The following ITPR2 variants were observed in gnomAD, a reference collection of about 807,000 sequenced individuals.
ITPR2 encodes inositol 1,4,5-trisphosphate receptor type 2, also known as inositol 1,4,5-trisphosphate-gated calcium channel ITPR2.
Under a neutral mutation model 317.1 loss-of-function variants are expected in ITPR2, and 207 were observed. That is an observed-to-expected ratio of 0.65 (90% confidence interval 0.58 to 0.73). The LOEUF (loss-of-function observed/expected upper bound fraction) is 0.73, where lower values mean the gene tolerates loss of function less well. ITPR2 is among the 30% of genes least tolerant of loss of function. The probability of loss-of-function intolerance (pLI) is 0.00; values close to 1 mark genes in which losing one functional copy is unlikely to be tolerated. For synonymous variants in ITPR2, 1,156 were observed against 1,149.1 expected (o/e 1.01, Z -0.12); for missense variants, 2,613 against 3,284.0 (o/e 0.80, Z 4.99).
intron 47 of ITPR2, among the ~76,000 whole-genome samples, chr12:26,437,565 A>G (rs1410441956): frequency 6.6e-6 from 1 of 152,328 alleles, no homozygotes; most frequent in Non-Finnish European, 1.5e-5. Flanking sequence ...ATGTATTTGT[A>G]ATAACAAATT....
At chr12:26,599,887 A>AT (rs2136738635) in intron 29 of ITPR2, 100 bp downstream of exon 29, 1 of 853,222 alleles carries the variant, frequency 1.2e-6, no homozygotes, top group African/African-American at 1.7e-5. Flanking sequence ...GGAAAAAAAA[A>AT]TGAAGCAAGG....
chr12:26,559,666 G>C (rs1036348297), intron 35 of ITPR2, among the ~76,000 whole-genome samples: 1 of 152,166 alleles, frequency 6.6e-6, no homozygotes, highest in Non-Finnish European at 1.5e-5. Flanking sequence ...GTCTCTACAT[G>C]ATTTGGCCCC....
chr12:26,585,261 T>C (rs1945495665), intron 32 of ITPR2, among the ~76,000 whole-genome samples: 1 of 152,198 alleles, frequency 6.6e-6, no homozygotes, highest in Non-Finnish European at 1.5e-5. Context: ...ACATCTTCCC[T>C]TTTATACTTC....
At chr12:26,642,260 C>A (rs7970583) in intron 21 of ITPR2, among the ~76,000 whole-genome samples, 47,420 of 152,068 alleles carry the variant, frequency 0.31, 7,589 homozygotes, top group South Asian at 0.45. Context: ...TCCTATGACA[C>A]CTGCTATGAC....
At chr12:26,610,033 A>C (rs1435279735) in intron 26 of ITPR2, among the ~76,000 whole-genome samples, 2 of 152,246 alleles carry the variant, frequency 1.3e-5, no homozygotes, top group Non-Finnish European at 2.9e-5. Context: ...AACTGGAGAC[A>C]AGAAAACAGA....
In ITPR2 at chr12:26,659,217, AG is replaced by A. The variant is rs1399641705; in HGVS notation, c.1781del (p.Thr594IlefsTer13). ...TGTTGTTGTGCAACAAAGCTGTGATAGTATCTTCTGCCAAAATATCATAGCC... is the reference window on the plus strand; with the variant it reads ...TGTTGTTGTGCAACAAAGCTGTGATATATCTTCTGCCAAAATATCATAGCC... Reference protein sequence around the residue: ...QIGYDILAEDTITALLHNNRK... With the variant: ...QIGYDILAEDXITALLHNNRK... On this transcript the variant is annotated frameshift_variant, in exon 16 of 57. Coordinates refer to ENST00000381340, the MANE Select transcript of ITPR2 (RefSeq NM_002223.4). LOFTEE classifies it high-confidence loss of function. 6.2e-7 allele frequency: 1 copy of A among 1,613,276 alleles called. No homozygotes were observed.
At chr12:26,753,326 T>C (rs1393621799) in intron 2 of ITPR2, among the ~76,000 whole-genome samples, 1 of 152,182 alleles carries the variant, frequency 6.6e-6, no homozygotes, top group Non-Finnish European at 1.5e-5. Flanking sequence ...TGCTATTCTG[T>C]TTGGAATAAT....
At position 26,337,944 on chromosome 12, in the gene ITPR2, A is replaced by T. The variant is rs1229906232; in HGVS notation, c.*1453T>A. 6.6e-6 allele frequency: 1 copy of T among 152,242 alleles called. No individual in the cohort carries two copies. The highest frequency in any genetic ancestry group is 2.4e-5 in the African/African-American group (1 of 41,464). The allele number at this position is 152,242 out of a possible 1,614,324, so 9.4% of individuals were successfully genotyped here. A position where few individuals can be genotyped will look rare whatever the true frequency, so the allele number is the denominator to read the frequency against. ...AGGAACCAATAGCTTAAGCTATGTT[A>T]GAACAATCCAAAAGCTTTAAAAATT... On this transcript the variant is annotated 3_prime_UTR_variant, in exon 57 of 57. Coordinates refer to ENST00000381340, the MANE Select transcript of ITPR2 (RefSeq NM_002223.4).
At chr12:26,773,381 T>A (rs1460038348) in intron 2 of ITPR2, among the ~76,000 whole-genome samples, 1 of 152,220 alleles carries the variant, frequency 6.6e-6, no homozygotes, top group Non-Finnish European at 1.5e-5. Flanking sequence ...ACTCACTTCA[T>A]ATACACCATG....
At chr12:26,624,560 C>G (rs1239027411) in intron 23 of ITPR2, among the ~76,000 whole-genome samples, 1 of 152,002 alleles carries the variant, frequency 6.6e-6, no homozygotes, top group Non-Finnish European at 1.5e-5. Flanking sequence ...AAATGGCAAA[C>G]AGGTTTATGA....
At chr12:26,654,377 T>A (rs1947329017) in intron 20 of ITPR2, among the ~76,000 whole-genome samples, 1 of 152,192 alleles carries the variant, frequency 6.6e-6, no homozygotes, top group Admixed American at 6.5e-5. Context: ...TACACTAGAA[T>A]TATTTACATC....
chr12:26,380,521 G>A (rs987498032), intron 55 of ITPR2, among the ~76,000 whole-genome samples: 11 of 152,082 alleles, frequency 7.2e-5, no homozygotes, highest in African/African-American at 2.7e-4. Flanking sequence ...GACCCCCTTG[G>A]CTTTCCTTGA....
intron 45 of ITPR2, 43 bp from the exon 46 acceptor site, chr12:26,443,693 C>G (rs766360626): frequency 6.7e-7 from 1 of 1,499,854 alleles, no homozygotes; most frequent in East Asian, 2.3e-5. Context: ...TTCTTTTCCC[C>G]TTTCCTAGGG....
At chr12:26,440,876 T>C (rs1470278894) in intron 46 of ITPR2, among the ~76,000 whole-genome samples, 1 of 152,148 alleles carries the variant, frequency 6.6e-6, no homozygotes, top group African/African-American at 2.4e-5. Context: ...ACAAGCAGCA[T>C]GGACAAACTG....
At chr12:26,820,101 C>T (rs188120691) in intron 1 of ITPR2, among the ~76,000 whole-genome samples, 1 of 152,036 alleles carries the variant, frequency 6.6e-6, no homozygotes, top group Admixed American at 6.6e-5. Context: ...ATGTACATTA[C>T]TTTTTCAGAG....
At position 26,565,527 on chromosome 12, in the gene ITPR2, T is replaced by TAGATAGATAGAC. The variant is rs368553155; in HGVS notation, c.4631-3576_4631-3575insGTCTATCTATCT. Reference sequence around the variant, plus strand: ...ATAGATAGATAGATAGATAGATAGATAGACAGACAGACAGATAGATAGATA... The same window carrying TAGATAGATAGAC: ...ATAGATAGATAGATAGATAGATAGATAGATAGATAGACAGACAGACAGACAGATAGATAGATA... On this transcript the variant is annotated intron_variant, in intron 34 of 56. Coordinates refer to ENST00000381340, the MANE Select transcript of ITPR2 (RefSeq NM_002223.4). Among the ~76,000 whole-genome samples the TAGATAGATAGAC allele has an allele frequency of 4.7e-3, 657 of 139,768 alleles. 4 individuals are homozygous for TAGATAGATAGAC. Among genetic ancestry groups the TAGATAGATAGAC allele is most frequent in the South Asian group, 7.8e-3 (33 of 4,234 alleles). The allele number at this position is 139,768 out of a possible 152,430, so 91.7% of individuals were successfully genotyped here.
intron 2 of ITPR2, among the ~76,000 whole-genome samples, chr12:26,748,771 A>G (rs2137098910): frequency 6.6e-6 from 1 of 152,326 alleles, no homozygotes; most frequent in African/African-American, 2.4e-5. Context: ...ATGGGTGATG[A>G]GTCACTGGAG....
At chr12:26,776,546 C>T (rs1949974540) in intron 2 of ITPR2, among the ~76,000 whole-genome samples, 1 of 152,144 alleles carries the variant, frequency 6.6e-6, no homozygotes, top group Non-Finnish European at 1.5e-5. Flanking sequence ...AAAGTGAGGG[C>T]ATTGATTGGA....
chr12:26,768,994 A>AAC (rs143843238), intron 2 of ITPR2, among the ~76,000 whole-genome samples: 5,505 of 96,886 alleles, frequency 0.057, 287 homozygotes, highest in African/African-American at 0.14. Context: ...CATCCAGTAG[A>AAC]ACACACACAC....
Sources: gnomAD v4.1 joint callset for allele counts (sites outside exome capture counted in the v4.1 genomes callset) on GRCh38, gnomAD v4.1.1 for gene constraint, MANE v1.5 for transcripts, NCBI Gene and HGNC (gene_info 2026-07-23, HGNC 2026-07-21) for gene names.